Variants in TMEM117 observed in about 807,000 individuals in gnomAD.
TMEM117 encodes the protein transmembrane protein 117.
Under a neutral mutation model 52.4 loss-of-function variants are expected in TMEM117, and 27 were observed. The observed-to-expected ratio is 0.51, with a 90% confidence interval of 0.38 to 0.71. The LOEUF (loss-of-function observed/expected upper bound fraction) is 0.71. TMEM117 is among the 30% of genes least tolerant of loss of function. The probability of loss-of-function intolerance (pLI) is 0.00; values close to 1 mark genes in which losing one functional copy is unlikely to be tolerated. For missense variants in TMEM117, 556 were observed against 630.5 expected (o/e 0.88, Z 1.26); for synonymous variants, 215 against 206.3 (o/e 1.04, Z -0.36).
chr12:43,911,780 A>G (rs1162913860), intron 2 of TMEM117, among the ~76,000 whole-genome samples: 5 of 148,908 alleles, frequency 3.4e-5, no homozygotes, highest in South Asian at 2.2e-4. Flanking sequence ...AGAAATTCAA[A>G]TCAAAACCAC....
At chr12:44,039,252 T>A (rs1361876452) in intron 3 of TMEM117, among the ~76,000 whole-genome samples, 1 of 152,084 alleles carries the variant, frequency 6.6e-6, no homozygotes, top group African/African-American at 2.4e-5. Context: ...TCTTATGCTA[T>A]CTCTGGCATA....
At chr12:44,342,264 C>T (rs1465308279) in intron 6 of TMEM117, among the ~76,000 whole-genome samples, 1 of 152,104 alleles carries the variant, frequency 6.6e-6, no homozygotes, top group Non-Finnish European at 1.5e-5. Context: ...CTGAAGTTAG[C>T]CAGCTTTACT....
intron 3 of TMEM117, among the ~76,000 whole-genome samples, chr12:44,019,366 C>CA (rs1946421493): frequency 6.6e-6 from 1 of 152,032 alleles, no homozygotes; most frequent in Admixed American, 6.6e-5. Flanking sequence ...CAGAAACGCT[C>CA]ACTTACAGCA....
intron 5 of TMEM117, among the ~76,000 whole-genome samples, chr12:44,252,355 T>A (rs1950206183): frequency 6.6e-6 from 1 of 152,008 alleles, no homozygotes; most frequent in Non-Finnish European, 1.5e-5. Context: ...AATACAAAAA[T>A]TAGCCAGGTG....
chr12:44,395,259 G>C, the TMEM117 span, among the ~76,000 whole-genome samples: 1 of 152,138 alleles, frequency 6.6e-6, no homozygotes, highest in Non-Finnish European at 1.5e-5. Context: ...CAGAGGCTCT[G>C]TCATTTACAT....
At chr12:43,984,729 A>G (rs984311029) in intron 3 of TMEM117, among the ~76,000 whole-genome samples, 1 of 152,194 alleles carries the variant, frequency 6.6e-6, no homozygotes, top group African/African-American at 2.4e-5. Flanking sequence ...TATTACTCAA[A>G]TATTTAGTCC....
intron 5 of TMEM117, among the ~76,000 whole-genome samples, chr12:44,259,984 C>G (rs531905404): frequency 6.6e-6 from 1 of 152,120 alleles, no homozygotes; most frequent in Non-Finnish European, 1.5e-5. Flanking sequence ...TATCTGAGAA[C>G]ATTTAGAACA....
chr12:44,199,700 C>T (rs1282140898), intron 4 of TMEM117, among the ~76,000 whole-genome samples: 2 of 152,036 alleles, frequency 1.3e-5, no homozygotes, highest in African/African-American at 4.8e-5. Flanking sequence ...TATGAAAATC[C>T]TATTTCTGGT....
intron 2 of TMEM117, among the ~76,000 whole-genome samples, chr12:43,936,672 A>G (rs1413179946): frequency 6.6e-6 from 1 of 152,152 alleles, no homozygotes; most frequent in Non-Finnish European, 1.5e-5. Context: ...GTGTTAGGGA[A>G]CCCAAGGAAG....
intron 3 of TMEM117, among the ~76,000 whole-genome samples, chr12:43,964,732 C>T (rs1031259701): frequency 1.1e-4 from 17 of 152,322 alleles, no homozygotes; most frequent in African/African-American, 2.2e-4. Context: ...GTGGCTACTA[C>T]GCTCTGGTTG....
intron 5 of TMEM117, among the ~76,000 whole-genome samples, chr12:44,215,266 C>T (rs1222522184): frequency 6.6e-6 from 1 of 152,184 alleles, no homozygotes; most frequent in Non-Finnish European, 1.5e-5. Flanking sequence ...CTGTCAGAAA[C>T]TGAGTTCTTC....
chr12:44,073,099 A>G (rs940772969), intron 3 of TMEM117, among the ~76,000 whole-genome samples: 2 of 151,598 alleles, frequency 1.3e-5, no homozygotes, highest in Non-Finnish European at 2.9e-5. Context: ...GCCCAAAAAA[A>G]AAAACAACAA....
intron 3 of TMEM117, among the ~76,000 whole-genome samples, chr12:43,989,370 C>T (rs1465401478): frequency 1.3e-5 from 2 of 152,042 alleles, no homozygotes; most frequent in Non-Finnish European, 2.9e-5. Context: ...TTATGCTTTC[C>T]TGATGACTCA....
At chr12:44,272,964 A>G (rs1364682789) in intron 5 of TMEM117, among the ~76,000 whole-genome samples, 1 of 152,236 alleles carries the variant, frequency 6.6e-6, no homozygotes, top group African/African-American at 2.4e-5. Flanking sequence ...AAGACCTGCA[A>G]CCAACCCAAA....
intron 2 of TMEM117, among the ~76,000 whole-genome samples, chr12:43,915,477 T>A (rs1944585688): frequency 6.6e-6 from 1 of 152,136 alleles, no homozygotes; most frequent in Admixed American, 6.5e-5. Context: ...ACCCATAACT[T>A]TCCTTAATTT....
intron 6 of TMEM117, among the ~76,000 whole-genome samples, chr12:44,313,646 A>G (rs893953606): frequency 6.6e-6 from 1 of 152,182 alleles, no homozygotes; most frequent in Admixed American, 6.5e-5. Flanking sequence ...TCTGTGAAAA[A>G]AGACATTGAT....
chr12:44,357,770 A>G (rs1470320138), intron 6 of TMEM117, among the ~76,000 whole-genome samples: 1 of 152,172 alleles, frequency 6.6e-6, no homozygotes, highest in East Asian at 1.9e-4. Flanking sequence ...GAGATTTCTC[A>G]AGGAACTAAA....
At chr12:44,365,949 T>C (rs548729065) in intron 6 of TMEM117, among the ~76,000 whole-genome samples, 3 of 152,166 alleles carry the variant, frequency 2.0e-5, no homozygotes, top group African/African-American at 7.2e-5. Flanking sequence ...TTTTGGATGA[T>C]ATGGGAGGAT....
intron 3 of TMEM117, among the ~76,000 whole-genome samples, chr12:44,100,327 T>C (rs1048463733): frequency 1.3e-5 from 2 of 152,060 alleles, no homozygotes; most frequent in Non-Finnish European, 2.9e-5. Flanking sequence ...TCATTTGGAA[T>C]ACTGGTCATT....
Sources: allele counts gnomAD v4.1 joint callset (sites outside exome capture counted in the v4.1 genomes callset), GRCh38; gene constraint gnomAD v4.1.1; transcripts MANE v1.5; gene names NCBI Gene and HGNC (gene_info 2026-07-23, HGNC 2026-07-21).